RPS6KC1: variants seen among roughly 807,000 people sequenced by gnomAD.
The protein encoded by RPS6KC1 is inactive ribosomal protein S6 kinase delta-1.
A neutral mutation model predicts 103.8 loss-of-function variants in RPS6KC1; 54 were observed. The ratio of observed to expected loss-of-function variants is 0.52; its 90% CI spans 0.42 to 0.65. RPS6KC1 has a LOEUF of 0.65. Ranked by LOEUF, RPS6KC1 falls within the 30% of genes least tolerant of loss-of-function variation. The pLI, the probability that RPS6KC1 is intolerant of heterozygous loss-of-function variation, is 0.00. For missense variants in RPS6KC1, 1,151 were observed against 1,253.8 expected (o/e 0.92, Z 1.24); for synonymous variants, 439 against 438.7 (o/e 1.00, Z -0.01).
the RPS6KC1 span, among the ~76,000 whole-genome samples, chr1:213,328,653 G>A: frequency 6.6e-6 from 1 of 151,308 alleles, no homozygotes; most frequent in Non-Finnish European, 1.5e-5. Flanking sequence ...GAGAGAAGGG[G>A]ACGAGAATAA....
the RPS6KC1 span, among the ~76,000 whole-genome samples, chr1:213,723,729 A>G: frequency 2.2e-4 from 33 of 152,302 alleles, 1 homozygote; most frequent in East Asian, 5.2e-3. Context: ...CAATTCATTT[A>G]CCAAGATAAA....
the RPS6KC1 span, among the ~76,000 whole-genome samples, chr1:213,767,607 G>C: frequency 6.6e-6 from 1 of 152,196 alleles, no homozygotes; most frequent in African/African-American, 2.4e-5. Flanking sequence ...CAGAGGTGAA[G>C]AGTCAGTCAA....
chr1:213,312,256 G>GT, the RPS6KC1 span, among the ~76,000 whole-genome samples: 1 of 151,924 alleles, frequency 6.6e-6, no homozygotes, highest in African/African-American at 2.4e-5. Context: ...AGTGCAGGGG[G>GT]GGCAACTGCA....
At chr1:213,622,552 G>A in the RPS6KC1 span, among the ~76,000 whole-genome samples, 2 of 152,066 alleles carry the variant, frequency 1.3e-5, no homozygotes, top group Admixed American at 6.5e-5. Flanking sequence ...TGCCCACTCA[G>A]CTGTTTCACA....
chr1:213,488,370 A>G, the RPS6KC1 span, among the ~76,000 whole-genome samples: 2 of 152,228 alleles, frequency 1.3e-5, no homozygotes, highest in South Asian at 2.1e-4. Flanking sequence ...AGGTTCAGCT[A>G]TGTCCAAAAA....
the RPS6KC1 span, among the ~76,000 whole-genome samples, chr1:213,589,209 T>A: frequency 6.6e-6 from 1 of 152,158 alleles, no homozygotes; most frequent in Admixed American, 6.5e-5. Flanking sequence ...CAAAGGGAAA[T>A]TTGTCATTAT....
the RPS6KC1 span, among the ~76,000 whole-genome samples, chr1:213,719,632 A>G: frequency 6.6e-6 from 1 of 152,188 alleles, no homozygotes; most frequent in Non-Finnish European, 1.5e-5. Flanking sequence ...GCTCTGGAGC[A>G]TGGAAGGGGA....
At chr1:213,674,514 C>T in the RPS6KC1 span, among the ~76,000 whole-genome samples, 2 of 152,158 alleles carry the variant, frequency 1.3e-5, no homozygotes, top group African/African-American at 4.8e-5. Context: ...TGTATATATA[C>T]ACCACATTTT....
At chr1:213,067,557 T>G (rs534248792) in intron 1 of RPS6KC1, among the ~76,000 whole-genome samples, 143 of 152,278 alleles carry the variant, frequency 9.4e-4, no homozygotes, top group African/African-American at 3.4e-3. Flanking sequence ...TTCAGTGTCA[T>G]GGGAAGGATC....
chr1:213,495,477 A>G, the RPS6KC1 span, among the ~76,000 whole-genome samples: 1 of 152,136 alleles, frequency 6.6e-6, no homozygotes, highest in Non-Finnish European at 1.5e-5. Flanking sequence ...GCATGCCACC[A>G]TGGCTGGCTA....
chr1:213,499,221 C>A, the RPS6KC1 span, among the ~76,000 whole-genome samples: 38,505 of 152,056 alleles, frequency 0.25, 5,499 homozygotes, highest in Middle Eastern at 0.38. Context: ...AAACAAGATA[C>A]AGAACTAGAG....
chr1:213,807,145 A>T, the RPS6KC1 span, among the ~76,000 whole-genome samples: 4 of 152,092 alleles, frequency 2.6e-5, no homozygotes, highest in African/African-American at 7.2e-5. Flanking sequence ...CTGCCGAGAG[A>T]TCTGCTGTTA....
At chr1:213,695,321 C>T in the RPS6KC1 span, among the ~76,000 whole-genome samples, 4 of 152,182 alleles carry the variant, frequency 2.6e-5, no homozygotes, top group African/African-American at 4.8e-5. Flanking sequence ...ATTATTCCTT[C>T]ATGGTGCCAG....
At chr1:213,282,779 A>G in the RPS6KC1 span, among the ~76,000 whole-genome samples, 12 of 152,250 alleles carry the variant, frequency 7.9e-5, no homozygotes, top group African/African-American at 2.9e-4. Context: ...TGTGTCAAAC[A>G]CTGTCCAAGG....
intron 14 of RPS6KC1, among the ~76,000 whole-genome samples, chr1:213,270,714 T>C (rs937481494): frequency 2.0e-5 from 3 of 152,242 alleles, no homozygotes; most frequent in Non-Finnish European, 4.4e-5. Context: ...AAGGGACTTA[T>C]ATTCAGAATA....
At chr1:213,575,070 C>T in the RPS6KC1 span, among the ~76,000 whole-genome samples, 1 of 152,154 alleles carries the variant, frequency 6.6e-6, no homozygotes, top group African/African-American at 2.4e-5. Flanking sequence ...AACCTCAGCT[C>T]TGCCATCCTA....
chr1:213,846,641 A>C, the RPS6KC1 span, among the ~76,000 whole-genome samples: 8 of 152,218 alleles, frequency 5.3e-5, no homozygotes, highest in African/African-American at 1.9e-4. Flanking sequence ...AAAGCTAATC[A>C]AGTGCACAAT....
chr1:213,487,547 C>G, the RPS6KC1 span, among the ~76,000 whole-genome samples: 3 of 151,960 alleles, frequency 2.0e-5, no homozygotes, highest in Non-Finnish European at 4.4e-5. Context: ...GCTCACAACT[C>G]TTCAATTCCT....
At chr1:213,419,279 C>T in the RPS6KC1 span, among the ~76,000 whole-genome samples, 3 of 152,206 alleles carry the variant, frequency 2.0e-5, no homozygotes, top group South Asian at 2.1e-4. Context: ...CCACATTGTC[C>T]GGTTTTGTCT....
Sources: gnomAD v4.1 joint callset for allele counts (sites outside exome capture counted in the v4.1 genomes callset) on GRCh38, gnomAD v4.1.1 for gene constraint, MANE v1.5 for transcripts, NCBI Gene and HGNC (gene_info 2026-07-23, HGNC 2026-07-21) for gene names.